NKAIN2: variants seen among roughly 807,000 people sequenced by gnomAD.
NKAIN2 encodes sodium/potassium-transporting ATPase subunit beta-1-interacting protein 2.
NKAIN2 carries 14 observed loss-of-function variants against 32.6 expected under a neutral mutation model. That is an observed-to-expected ratio of 0.43 (90% CI 0.28 to 0.67). The LOEUF is 0.67. NKAIN2 is among the 30% of genes least tolerant of loss of function. NKAIN2 has a pLI of 0.17. For missense variants in NKAIN2, 198 were observed against 258.3 expected (o/e 0.77, Z 1.60); for synonymous variants, 80 against 87.2 (o/e 0.92, Z 0.46).
chr6:124,704,245 A>C (rs1259041625), intron 4 of NKAIN2, among the ~76,000 whole-genome samples: 2 of 152,064 alleles, frequency 1.3e-5, no homozygotes, highest in African/African-American at 2.4e-5. Flanking sequence ...TTCTTGAAAC[A>C]ATACCATGTA....
At chr6:124,092,634 C>G (rs1305480448) in intron 1 of NKAIN2, among the ~76,000 whole-genome samples, 1 of 151,902 alleles carries the variant, frequency 6.6e-6, no homozygotes. Context: ...CTTAATTAAC[C>G]TCTTTTGGTT....
At chr6:123,951,699 G>C (rs1168572621) in intron 1 of NKAIN2, among the ~76,000 whole-genome samples, 1 of 151,466 alleles carries the variant, frequency 6.6e-6, no homozygotes, top group African/African-American at 2.4e-5. Flanking sequence ...TACTACAGTT[G>C]GGTCACTTTT....
intron 5 of NKAIN2, among the ~76,000 whole-genome samples, chr6:124,801,978 C>T (rs1266862872): frequency 6.6e-6 from 1 of 152,142 alleles, no homozygotes; most frequent in Non-Finnish European, 1.5e-5. Context: ...AATCTAGTTT[C>T]AGCTTTCCCA....
At chr6:124,389,011 C>T (rs367661349) in intron 3 of NKAIN2, among the ~76,000 whole-genome samples, 12 of 151,980 alleles carry the variant, frequency 7.9e-5, no homozygotes, top group East Asian at 7.7e-4. Context: ...TTGGCTATTA[C>T]GTCAATGTTA....
At chr6:124,663,642 G>GAGAA (rs903995014) in intron 4 of NKAIN2, among the ~76,000 whole-genome samples, 1 of 152,076 alleles carries the variant, frequency 6.6e-6, no homozygotes, top group Non-Finnish European at 1.5e-5. Context: ...GTGACTATAG[G>GAGAA]AGAAAGAAGT....
At chr6:124,099,446 C>T (rs1216224766) in intron 1 of NKAIN2, among the ~76,000 whole-genome samples, 1 of 152,098 alleles carries the variant, frequency 6.6e-6, no homozygotes, top group Admixed American at 6.6e-5. Flanking sequence ...TGGTAAGAAA[C>T]CTAAATAACA....
intron 1 of NKAIN2, among the ~76,000 whole-genome samples, chr6:123,966,763 C>T (rs1778099376): frequency 6.6e-6 from 1 of 152,132 alleles, no homozygotes; most frequent in Non-Finnish European, 1.5e-5. Flanking sequence ...GATATTATGT[C>T]TACTGTATAC....
At chr6:124,785,403 T>C (rs1779453492) in intron 4 of NKAIN2, among the ~76,000 whole-genome samples, 2 of 152,206 alleles carry the variant, frequency 1.3e-5, no homozygotes, top group Non-Finnish European at 2.9e-5. Flanking sequence ...TTAGGTTACA[T>C]TGGCTGTCTT....
At chr6:124,563,351 C>T (rs893979276) in intron 3 of NKAIN2, among the ~76,000 whole-genome samples, 3 of 152,150 alleles carry the variant, frequency 2.0e-5, no homozygotes, top group Non-Finnish European at 4.4e-5. Context: ...CTAAAACAAT[C>T]GTAGCACTAA....
At chr6:123,924,335 C>T (rs1489311827) in intron 1 of NKAIN2, among the ~76,000 whole-genome samples, 1 of 152,144 alleles carries the variant, frequency 6.6e-6, no homozygotes, top group Non-Finnish European at 1.5e-5. Flanking sequence ...TTTCAAATCT[C>T]ACATATATAT....
At chr6:124,082,290 C>T (rs2114909072) in intron 1 of NKAIN2, among the ~76,000 whole-genome samples, 1 of 152,120 alleles carries the variant, frequency 6.6e-6, no homozygotes, top group Admixed American at 6.6e-5. Context: ...TTTACTACGT[C>T]CTTTTTTATC....
chr6:124,187,790 T>C (rs1789818663), intron 1 of NKAIN2, among the ~76,000 whole-genome samples: 1 of 152,176 alleles, frequency 6.6e-6, no homozygotes, highest in Non-Finnish European at 1.5e-5. Context: ...TTCTTTTTCC[T>C]CTTGACCCTC....
intron 1 of NKAIN2, among the ~76,000 whole-genome samples, chr6:124,082,438 G>A (rs1358751609): frequency 1.3e-5 from 2 of 151,874 alleles, no homozygotes; most frequent in Non-Finnish European, 2.9e-5. Flanking sequence ...ATGAGAATTG[G>A]TTCCTAATAT....
At chr6:124,253,179 GTTTATAAAT>G (rs1425028376) in intron 1 of NKAIN2, among the ~76,000 whole-genome samples, 19 of 152,110 alleles carry the variant, frequency 1.2e-4, no homozygotes, top group Non-Finnish European at 1.8e-4. Context: ...TGCCAGTAAT[GTTTATAAAT>G]TTCAGTGTGG....
intron 1 of NKAIN2, among the ~76,000 whole-genome samples, chr6:124,210,897 T>A (rs1791139954): frequency 1.3e-5 from 2 of 151,896 alleles, no homozygotes; most frequent in African/African-American, 4.8e-5. Context: ...CAAGGTTAAT[T>A]TGACTTCCTC....
chr6:124,593,803 A>G (rs1781993265), intron 3 of NKAIN2, among the ~76,000 whole-genome samples: 1 of 152,200 alleles, frequency 6.6e-6, no homozygotes, highest in South Asian at 2.1e-4. Context: ...TTATGGAAGT[A>G]GATTAACTGG....
intron 3 of NKAIN2, among the ~76,000 whole-genome samples, chr6:124,529,694 A>G (rs1333635667): frequency 6.6e-6 from 1 of 152,146 alleles, no homozygotes; most frequent in African/African-American, 2.4e-5. Flanking sequence ...CTTTGCAGAA[A>G]AAGGAGGAGG....
chr6:124,408,264 C>A (rs1773965334), intron 3 of NKAIN2, among the ~76,000 whole-genome samples: 1 of 152,070 alleles, frequency 6.6e-6, no homozygotes, highest in Non-Finnish European at 1.5e-5. Context: ...GACATGAAGT[C>A]CTTGCCCATG....
chr6:124,141,912 T>C (rs1486937244), intron 1 of NKAIN2, among the ~76,000 whole-genome samples: 2 of 152,190 alleles, frequency 1.3e-5, no homozygotes. Context: ...TTTCAGCTTT[T>C]CTCCCTGTTG....
Sources: allele counts gnomAD v4.1 joint callset (sites outside exome capture counted in the v4.1 genomes callset), GRCh38; gene constraint gnomAD v4.1.1; transcripts MANE v1.5; gene names NCBI Gene and HGNC (gene_info 2026-07-23, HGNC 2026-07-21).